SUFU: variants seen among roughly 807,000 people sequenced by gnomAD.
SUFU encodes the protein SUFU negative regulator of hedgehog signaling.
SUFU carries 7 observed loss-of-function variants against 58.9 expected under a neutral mutation model. The observed-to-expected ratio is 0.12, with a 90% CI of 0.07 to 0.22. The LOEUF (loss-of-function observed/expected upper bound fraction) is 0.22. Ranked by LOEUF, SUFU falls within the 10% of genes least tolerant of loss-of-function variation. The probability of loss-of-function intolerance (pLI) is 1.00; values close to 1 mark genes in which losing one functional copy is unlikely to be tolerated. For missense variants in SUFU, 451 were observed against 641.3 expected (o/e 0.70, Z 3.20); for synonymous variants, 232 against 254.8 (o/e 0.91, Z 0.85).
chr10:102,514,260 G>T (rs541409833), intron 2 of SUFU, among the ~76,000 whole-genome samples: 2 of 152,260 alleles, frequency 1.3e-5, no homozygotes, highest in African/African-American at 4.8e-5. Flanking sequence ...CCTGTTGAGG[G>T]TAGGGACAGG....
chr10:102,594,749 G>A (rs1415547179), intron 6 of SUFU, among the ~76,000 whole-genome samples: 2 of 152,006 alleles, frequency 1.3e-5, no homozygotes, highest in South Asian at 2.1e-4. Context: ...ACGGAGTTTC[G>A]CTCTTCTCAC....
chr10:102,545,377 A>G (rs1246350323), intron 2 of SUFU, among the ~76,000 whole-genome samples: 1 of 142,766 alleles, frequency 7.0e-6, no homozygotes, highest in African/African-American at 2.6e-5. Context: ...CAAGTGGTCC[A>G]TCCACCTCGG....
rs1425235669 is a variant in SUFU, at chr10:102,603,631, AT to A, written c.1022+4095del. ...CAGCAGCTTTTAAGACCTTTAAAAA[AT>A]TTTTTTTGCCTTAATTTCATGGAGA... On this transcript the variant is annotated intron_variant, in intron 8 of 11. Coordinates refer to ENST00000369902, the MANE Select transcript of SUFU (RefSeq NM_016169.4). Among the ~76,000 whole-genome samples the A allele has an allele frequency of 3.3e-5, 5 of 152,048 alleles. No individual in the cohort carries two copies. In the East Asian group the frequency reaches 7.7e-4, roughly 24 times the overall value.
At chr10:102,566,443 A>G (rs1443753502) in intron 3 of SUFU, among the ~76,000 whole-genome samples, 1 of 152,050 alleles carries the variant, frequency 6.6e-6, no homozygotes, top group Non-Finnish European at 1.5e-5. Flanking sequence ...CAGCGGGGCC[A>G]ACATGGTGAA....
intron 2 of SUFU, among the ~76,000 whole-genome samples, chr10:102,514,585 G>T (rs2062443234): frequency 6.6e-6 from 1 of 152,230 alleles, no homozygotes. Flanking sequence ...GCTCCCAACT[G>T]ACCTGAGTGG....
intron 3 of SUFU, among the ~76,000 whole-genome samples, chr10:102,590,153 CTTTTTTCTTTTTTTTT>C (rs1353703827): frequency 4.1e-5 from 3 of 73,840 alleles, no homozygotes; most frequent in Non-Finnish European, 7.2e-5. Flanking sequence ...TTTTTTTTTT[CTTTTTTCTTTTTTTTT>C]TTTTTTTGAG....
rs2063415176 is a variant in SUFU, at chr10:102,592,604, C to T, written c.477C>T (p.Asp159=). The change falls in exon 4 of 12, where the codon GAC becomes GAT. Residue 159 remains aspartate, a synonymous_variant. Coordinates refer to ENST00000369902, the MANE Select transcript of SUFU (RefSeq NM_016169.4). The stretch of plus-strand genomic sequence containing the variant: ...CAGAGAACACCTTCTGCAGTGGGGA[C>T]CATGTGTCCTGGCACAGCCCTTTGG... ...FQSENTFCSG[D]HVSWHSPLDN... is the part of the protein sequence containing the mutation. The T allele has an allele frequency of 6.2e-7, 1 of 1,614,048 alleles. No individual in the cohort carries two copies. The highest frequency in any genetic ancestry group is 1.7e-5 in the Admixed American group (1 of 59,996).
In SUFU at chr10:102,599,538, G is replaced by A. The variant is rs369910221; in HGVS notation, c.1016G>A (p.Arg339Gln). ...CGGCAGAATGGCCTCGCCCACGACC[G>A]GGCCCCGTAAGTTCCCCAGTGTCCC... ...PQRQNGLAHD[R>Q]APSRKDSLES... Residue 339 changes from arginine to glutamine, a missense_variant, in exon 8 of 12, where the codon CGG becomes CAG. Arg to Gln is a conservative substitution (Grantham distance 43). Coordinates refer to ENST00000369902, the MANE Select transcript of SUFU (RefSeq NM_016169.4). 31 of 1,613,858 alleles carry A rather than the reference G, an allele frequency of 1.9e-5. No homozygotes were observed. The highest frequency in any genetic ancestry group is 2.0e-5 in the Non-Finnish European group (24 of 1,179,916).
At chr10:102,566,949 A>G (rs2135787988) in intron 3 of SUFU, among the ~76,000 whole-genome samples, 1 of 150,822 alleles carries the variant, frequency 6.6e-6, no homozygotes, top group East Asian at 1.9e-4. Context: ...TCTCAAAAAA[A>G]AAAAAAGTTT....
chr10:102,505,152 G>A (rs1281608293), intron 1 of SUFU, among the ~76,000 whole-genome samples: 1 of 152,170 alleles, frequency 6.6e-6, no homozygotes, highest in African/African-American at 2.4e-5. Flanking sequence ...CCAGCAGGGA[G>A]GAATTGTGCA....
At chr10:102,528,105 AGC>A (rs2062632231) in intron 2 of SUFU, among the ~76,000 whole-genome samples, 1 of 152,142 alleles carries the variant, frequency 6.6e-6, no homozygotes, top group Non-Finnish European at 1.5e-5. Flanking sequence ...GAATTCCTGT[AGC>A]GCTCCAGGCT....
intron 3 of SUFU, among the ~76,000 whole-genome samples, chr10:102,561,324 T>C (rs538970462): frequency 1.2e-4 from 18 of 152,316 alleles, no homozygotes; most frequent in Non-Finnish European, 2.6e-4. Flanking sequence ...GTTATCGTTA[T>C]TTTCAACAAA....
chr10:102,531,348 G>C (rs2062675902), intron 2 of SUFU, among the ~76,000 whole-genome samples: 1 of 152,132 alleles, frequency 6.6e-6, no homozygotes, highest in African/African-American at 2.4e-5. Context: ...AAGGGGCCAG[G>C]CACCCCCAGA....
chr10:102,519,706 T>G (rs937965833), intron 2 of SUFU, among the ~76,000 whole-genome samples: 2 of 152,178 alleles, frequency 1.3e-5, no homozygotes, highest in African/African-American at 2.4e-5. Flanking sequence ...CTTATATCAA[T>G]GCAGATAGTC....
At chr10:102,512,046 A>G (rs942087115) in intron 2 of SUFU, among the ~76,000 whole-genome samples, 2 of 151,866 alleles carry the variant, frequency 1.3e-5, no homozygotes, top group Non-Finnish European at 2.9e-5. Context: ...GGGCTATTCC[A>G]CCTCTCTGAA....
chr10:102,568,937 T>A (rs71496542), intron 3 of SUFU, among the ~76,000 whole-genome samples: 1 of 33,302 alleles, frequency 3.0e-5, no homozygotes, highest in Non-Finnish European at 6.0e-5. Flanking sequence ...TATATATATA[T>A]ATATATATAT....
intron 3 of SUFU, among the ~76,000 whole-genome samples, chr10:102,550,851 C>T (rs2062905693): frequency 6.6e-6 from 1 of 151,612 alleles, no homozygotes; most frequent in African/African-American, 2.4e-5. Flanking sequence ...AAGTGGTTCT[C>T]CTGCCTCAGC....
At chr10:102,572,170 A>T (rs1417309704) in intron 3 of SUFU, among the ~76,000 whole-genome samples, 1 of 151,708 alleles carries the variant, frequency 6.6e-6, no homozygotes, top group East Asian at 1.9e-4. Flanking sequence ...GGTTCAAGCC[A>T]TTCTCCTGCC....
chr10:102,528,698 C>T lies in SUFU; in HGVS notation c.317+19395C>T, dbSNP rs374394849. 4.6e-5 allele frequency among the ~76,000 whole-genome samples: 7 copies of T among 152,172 alleles called. No individual in the cohort carries two copies. In the East Asian group the frequency reaches 7.7e-4, roughly 17 times the overall value. On this transcript the variant is annotated intron_variant, in intron 2 of 11. Coordinates refer to ENST00000369902, the MANE Select transcript of SUFU (RefSeq NM_016169.4). ...GAGTTTATTTGACTGGATTCTCAGCCGAATCAGTGCTGGGAGCCACTGTTT... is the reference window on the plus strand; with the variant it reads ...GAGTTTATTTGACTGGATTCTCAGCTGAATCAGTGCTGGGAGCCACTGTTT...
Sources: allele counts gnomAD v4.1 joint callset (sites outside exome capture counted in the v4.1 genomes callset), GRCh38; gene constraint gnomAD v4.1.1; transcripts MANE v1.5; gene names NCBI Gene and HGNC (gene_info 2026-07-23, HGNC 2026-07-21).